DUSP22: variants seen among roughly 807,000 people sequenced by gnomAD.
DUSP22 encodes dual specificity protein phosphatase 22.
DUSP22 carries 24 observed loss-of-function variants against 24.5 expected under a neutral mutation model. The ratio of observed to expected loss-of-function variants is 0.98; its 90% CI spans 0.71 to 1.38. DUSP22 has a LOEUF of 1.38. DUSP22 is among the 40% of genes most tolerant of loss of function. The pLI is 0.00. For synonymous variants in DUSP22, 160 were observed against 106.4 expected, an observed-to-expected ratio of 1.50 and a Z score of -3.10; for missense variants, 330 against 269.2, an observed-to-expected ratio of 1.23 and a Z score of -1.58.
chr6:348,340 C>T (rs1471801034), intron 6 of DUSP22, 66 bp downstream of exon 6: 3 of 1,597,232 alleles, frequency 1.9e-6, no homozygotes, highest in Non-Finnish European at 2.6e-6. Flanking sequence ...CACAGTCTTT[C>T]CGTACACAGC....
chr6:323,566 C>T (rs973223485), intron 3 of DUSP22, among the ~76,000 whole-genome samples: 4 of 152,310 alleles, frequency 2.6e-5, no homozygotes, highest in Admixed American at 6.5e-5. Context: ...CCCTTGGCTC[C>T]TTCCGTGAGA....
intron 1 of DUSP22, among the ~76,000 whole-genome samples, chr6:296,628 C>T (rs1757342053): frequency 6.6e-6 from 1 of 152,256 alleles, no homozygotes; most frequent in Non-Finnish European, 1.5e-5. Flanking sequence ...AGCCTATAAA[C>T]AAAACTCCTA....
At chr6:304,210 G>A (rs1397203315) in intron 1 of DUSP22, among the ~76,000 whole-genome samples, 1 of 152,312 alleles carries the variant, frequency 6.6e-6, no homozygotes, top group African/African-American at 2.4e-5. Context: ...TGGACTTGGG[G>A]CTCAGGACTG....
intron 3 of DUSP22, among the ~76,000 whole-genome samples, chr6:324,588 G>A (rs573086827): frequency 4.6e-5 from 7 of 152,420 alleles, no homozygotes; most frequent in East Asian, 1.9e-4. Context: ...CACTCACCAC[G>A]TCCAGCCTTT....
intron 3 of DUSP22, among the ~76,000 whole-genome samples, chr6:331,150 G>A (rs536246618): frequency 2.6e-5 from 4 of 152,422 alleles, no homozygotes; most frequent in East Asian, 1.9e-4. Context: ...ACTCGAGATT[G>A]AAGCACCGTA....
chr6:299,173 T>A (rs1204475566), intron 1 of DUSP22, among the ~76,000 whole-genome samples: 2 of 152,310 alleles, frequency 1.3e-5, no homozygotes, highest in African/African-American at 4.8e-5. Context: ...GTCCTTGCTT[T>A]CTACCAGGTG....
At chr6:295,835 T>A (rs1402996541) in intron 1 of DUSP22, among the ~76,000 whole-genome samples, 2 of 151,134 alleles carry the variant, frequency 1.3e-5, no homozygotes, top group Non-Finnish European at 2.9e-5. Flanking sequence ...AACAACACAG[T>A]TGTGAACCAT....
chr6:299,772 G>A (rs1354403997), intron 1 of DUSP22, among the ~76,000 whole-genome samples: 2 of 152,308 alleles, frequency 1.3e-5, no homozygotes, highest in African/African-American at 4.8e-5. Flanking sequence ...CGCTGCTGCA[G>A]CAGCTCCCCA....
At chr6:307,146 G>C (rs1757845573) in intron 2 of DUSP22, among the ~76,000 whole-genome samples, 1 of 152,306 alleles carries the variant, frequency 6.6e-6, no homozygotes, top group Non-Finnish European at 1.5e-5. Context: ...GCTCTTGCCT[G>C]GCATCTCATA....
intron 2 of DUSP22, among the ~76,000 whole-genome samples, chr6:306,899 A>T (rs1388420351): frequency 6.6e-6 from 1 of 152,304 alleles, no homozygotes; most frequent in Non-Finnish European, 1.5e-5. Context: ...AGTCTGTCTC[A>T]CAGGGCTGTA....
chr6:315,596 A>T (rs539065081), intron 3 of DUSP22, among the ~76,000 whole-genome samples: 4 of 152,430 alleles, frequency 2.6e-5, no homozygotes, highest in Non-Finnish European at 5.9e-5. Flanking sequence ...TGCTTGTACT[A>T]GCAATGTATG....
chr6:350,557 G>A lies in DUSP22; in HGVS notation c.*1606G>A, dbSNP rs531818578. 4.4e-6 allele frequency: 6 copies of A among 1,369,258 alleles called. No individual in the cohort carries two copies. In the South Asian group the frequency reaches 8.2e-5, roughly 19 times the overall value. 84.8% of individuals were successfully genotyped at this position (1,369,258 alleles called of 1,614,324 possible). ...GGGACCGGGAAAAACAAAGTTGCCT[G>A]ATTCCGCGCAGGTGCACAGGCCCCG... On this transcript the variant is annotated 3_prime_UTR_variant, in exon 7 of 7. Transcript: ENST00000419235.
intron 3 of DUSP22, among the ~76,000 whole-genome samples, chr6:333,967 A>G (rs1037100577): frequency 4.6e-5 from 7 of 152,306 alleles, no homozygotes; most frequent in Admixed American, 3.9e-4. Flanking sequence ...TGGAAGGATT[A>G]GGGGCAGCTA....
At position 335,125 on chromosome 6, in the gene DUSP22, C is replaced by T. The variant is rs202188255; in HGVS notation, c.150C>T (p.Tyr50=). 2.3e-5 allele frequency: 37 copies of T among 1,613,814 alleles called. No individual in the cohort carries two copies. In the East Asian group the frequency reaches 7.6e-4, roughly 33 times the overall value. Residue 50 remains tyrosine (Y), a synonymous_variant, in exon 4 of 7, where the codon TAC becomes TAT. Coordinates refer to ENST00000419235, the MANE Select transcript of DUSP22 (RefSeq NM_001286555.3). ...SARPMLEGVK[Y]LCIPAADSPS... ...TTATTATTCTGCAGGGAGTTAAATACCTGTGCATCCCAGCAGCGGATTCAC... is the reference window on the plus strand; with the variant it reads ...TTATTATTCTGCAGGGAGTTAAATATCTGTGCATCCCAGCAGCGGATTCAC...
intron 2 of DUSP22, among the ~76,000 whole-genome samples, chr6:311,534 G>T (rs1446088690): frequency 2.6e-5 from 4 of 152,298 alleles, no homozygotes; most frequent in African/African-American, 9.6e-5. Context: ...CAAAAAATTA[G>T]CCGGGCGTGG....
Position 350,707 on chromosome 6 carries a change from T to C in DUSP22, c.*1756T>C, listed in dbSNP as rs1389084505. On this transcript the variant is annotated 3_prime_UTR_variant, in exon 7 of 7. Transcript: ENST00000419235. ...TAAATACGTTAACAGAAAAATGATTTAGGATATAGCTTGAATGCTTAAATA... is the reference window on the plus strand; with the variant it reads ...TAAATACGTTAACAGAAAAATGATTCAGGATATAGCTTGAATGCTTAAATA... 6.9e-6 allele frequency: 11 copies of C among 1,592,708 alleles called. No homozygotes were observed. The East Asian group carries it at 2.5e-4, about 36-fold the overall frequency.
chr6:345,072 A>T (rs1286719606), intron 4 of DUSP22, among the ~76,000 whole-genome samples: 3 of 152,306 alleles, frequency 2.0e-5, no homozygotes, highest in Non-Finnish European at 4.4e-5. Flanking sequence ...AAACTTCCAG[A>T]CAACCCACAG....
chr6:340,911 A>G (rs1345813750), intron 4 of DUSP22, among the ~76,000 whole-genome samples: 1 of 152,308 alleles, frequency 6.6e-6, no homozygotes, highest in Non-Finnish European at 1.5e-5. Flanking sequence ...AGTGAACACC[A>G]TGTAGTGTGA....
chr6:330,883 G>A (rs944043190), intron 3 of DUSP22, among the ~76,000 whole-genome samples: 2 of 152,302 alleles, frequency 1.3e-5, no homozygotes, highest in African/African-American at 4.8e-5. Context: ...GTTTTATACC[G>A]GTTGTTCTAT....
Sources: gnomAD v4.1 joint callset for allele counts (sites outside exome capture counted in the v4.1 genomes callset) on GRCh38, gnomAD v4.1.1 for gene constraint, MANE v1.5 for transcripts, NCBI Gene and HGNC (gene_info 2026-07-23, HGNC 2026-07-21) for gene names.